The following CCDC91 variants were observed in gnomAD, a reference collection of about 807,000 sequenced individuals.
CCDC91 encodes the protein coiled-coil domain containing 91, also known as coiled-coil domain-containing protein 91.
In CCDC91, 48 loss-of-function variants were observed where a neutral mutation model predicts 63.2. The ratio of observed to expected loss-of-function variants is 0.76; its 90% CI spans 0.60 to 0.97. The LOEUF is 0.97. CCDC91 is among the 50% of genes least tolerant of loss of function. The pLI, the probability that CCDC91 is intolerant of heterozygous loss-of-function variation, is 0.00. For synonymous variants in CCDC91, 167 were observed against 165.8 expected (o/e 1.01, Z -0.06); for missense variants, 500 against 494.6 (o/e 1.01, Z -0.10).
At chr12:28,298,952 C>T (rs1937740192) in intron 3 of CCDC91, among the ~76,000 whole-genome samples, 1 of 151,500 alleles carries the variant, frequency 6.6e-6, no homozygotes, top group South Asian at 2.1e-4. Flanking sequence ...ATTGATTATG[C>T]CACAACTCAG....
chr12:28,529,600 G>C (rs1941567360), intron 12 of CCDC91, among the ~76,000 whole-genome samples: 3 of 152,164 alleles, frequency 2.0e-5, no homozygotes, highest in South Asian at 4.1e-4. Flanking sequence ...TGGTCCTCCT[G>C]TTTTCTAATT....
intron 1 of CCDC91, among the ~76,000 whole-genome samples, chr12:28,210,039 C>T (rs1281964312): frequency 6.6e-6 from 1 of 152,150 alleles, no homozygotes; most frequent in African/African-American, 2.4e-5. Flanking sequence ...TTGTCCTAAA[C>T]ATCCTTCTTT....
chr12:28,506,323 A>G (rs773632554), intron 12 of CCDC91, among the ~76,000 whole-genome samples: 1 of 151,938 alleles, frequency 6.6e-6, no homozygotes, highest in African/African-American at 2.4e-5. Context: ...TAAACTGGCC[A>G]GGGCACCATT....
intron 1 of CCDC91, among the ~76,000 whole-genome samples, chr12:28,209,870 C>T (rs1266556675): frequency 6.6e-6 from 1 of 152,172 alleles, no homozygotes; most frequent in African/African-American, 2.4e-5. Context: ...ACATTTCATT[C>T]TCCTCATACT....
At chr12:28,400,837 C>T (rs1407027345) in intron 8 of CCDC91, among the ~76,000 whole-genome samples, 1 of 152,186 alleles carries the variant, frequency 6.6e-6, no homozygotes, top group Non-Finnish European at 1.5e-5. Context: ...CAGTTCCCAA[C>T]AAGTTCATCA....
intron 3 of CCDC91, among the ~76,000 whole-genome samples, chr12:28,300,081 TAGTC>T (rs1327086696): frequency 1.3e-5 from 2 of 151,628 alleles, no homozygotes; most frequent in East Asian, 1.9e-4. Context: ...ATGATGAAAT[TAGTC>T]AGTCTTTCCT....
At chr12:28,225,278 G>A (rs1357124450) in intron 1 of CCDC91, among the ~76,000 whole-genome samples, 1 of 152,104 alleles carries the variant, frequency 6.6e-6, no homozygotes, top group East Asian at 1.9e-4. Context: ...AGTATCTGAG[G>A]TTGTCATTTG....
chr12:28,292,303 A>G (rs1186316838), intron 3 of CCDC91, among the ~76,000 whole-genome samples: 1 of 152,228 alleles, frequency 6.6e-6, no homozygotes, highest in African/African-American at 2.4e-5. Flanking sequence ...AATACAAATG[A>G]AAGTCTACCG....
chr12:28,408,391 A>T (rs1374911505), intron 8 of CCDC91, among the ~76,000 whole-genome samples: 2 of 152,180 alleles, frequency 1.3e-5, no homozygotes, highest in East Asian at 3.8e-4. Context: ...TCAATGATGG[A>T]CATTTGGGTT....
intron 12 of CCDC91, among the ~76,000 whole-genome samples, chr12:28,544,452 A>G (rs1014386046): frequency 6.6e-6 from 1 of 151,936 alleles, no homozygotes; most frequent in Non-Finnish European, 1.5e-5. Flanking sequence ...CTTTGGAAAA[A>G]TGAAGTCATT....
At chr12:28,521,382 T>C (rs1209196901) in intron 12 of CCDC91, among the ~76,000 whole-genome samples, 2 of 152,162 alleles carry the variant, frequency 1.3e-5, no homozygotes, top group Non-Finnish European at 2.9e-5. Flanking sequence ...TTGTCTGTTA[T>C]TGGTGTATAA....
intron 6 of CCDC91, among the ~76,000 whole-genome samples, chr12:28,309,292 G>A (rs1939071803): frequency 6.6e-6 from 1 of 152,016 alleles, no homozygotes; most frequent in South Asian, 2.1e-4. Context: ...TTGAATAAAA[G>A]TCTCAGATGT....
intron 1 of CCDC91, among the ~76,000 whole-genome samples, chr12:28,242,272 C>T (rs1201361260): frequency 2.0e-5 from 3 of 152,088 alleles, no homozygotes; most frequent in African/African-American, 7.2e-5. Flanking sequence ...ACCCAGATGT[C>T]CTTCTCATTA....
intron 1 of CCDC91, among the ~76,000 whole-genome samples, chr12:28,251,130 C>T (rs2136095632): frequency 6.6e-6 from 1 of 152,084 alleles, no homozygotes; most frequent in Admixed American, 6.6e-5. Context: ...AGGATGTTAG[C>T]AAGTAGTTTT....
At chr12:28,390,510 GA>G (rs1244611607) in intron 7 of CCDC91, among the ~76,000 whole-genome samples, 1 of 152,006 alleles carries the variant, frequency 6.6e-6, no homozygotes, top group East Asian at 1.9e-4. Context: ...CAGAGAGAAA[GA>G]AAAAAGATGA....
intron 1 of CCDC91, among the ~76,000 whole-genome samples, chr12:28,235,059 C>T (rs1592063410): frequency 2.0e-5 from 3 of 152,106 alleles, no homozygotes; most frequent in African/African-American, 7.2e-5. Context: ...CTAGTTTGGG[C>T]TTCTTTACAG....
chr12:28,394,185 T>G (rs1218853641), intron 8 of CCDC91, among the ~76,000 whole-genome samples: 1 of 152,104 alleles, frequency 6.6e-6, no homozygotes, highest in African/African-American at 2.4e-5. Context: ...AAGCAAAGAT[T>G]AGTCGTTGCA....
chr12:28,326,976 A>C (rs1029367382), intron 6 of CCDC91, among the ~76,000 whole-genome samples: 31 of 152,104 alleles, frequency 2.0e-4, no homozygotes, highest in Admixed American at 7.2e-4. Context: ...CGAAAGTCAC[A>C]GATATAGGGC....
In CCDC91 at chr12:28,371,413, G is replaced by A. The variant is rs1281127002; in HGVS notation, c.654+8898G>A. On this transcript the variant is annotated intron_variant, in intron 7 of 12. Coordinates refer to ENST00000536442, the MANE Select transcript of CCDC91 (RefSeq NM_018318.5). ...TAACAATTTCATCCTGAAACCATCC[G>A]CTTTACCCTAGTCTGCGGAAAAATT... Among the ~76,000 whole-genome samples, 9 of 152,210 alleles carry A rather than the reference G, an allele frequency of 5.9e-5. No homozygotes were observed. The South Asian group carries it at 6.2e-4, about 11-fold the overall frequency.
Sources: gnomAD v4.1 joint callset for allele counts (sites outside exome capture counted in the v4.1 genomes callset) on GRCh38, gnomAD v4.1.1 for gene constraint, MANE v1.5 for transcripts, NCBI Gene and HGNC (gene_info 2026-07-23, HGNC 2026-07-21) for gene names.